The following TARBP1 variants were observed in gnomAD, a reference collection of about 807,000 sequenced individuals.
TARBP1 encodes the protein tRNA guanosine 2 -O-methyltransferase TARBP1.
Under a neutral mutation model 178.6 loss-of-function variants are expected in TARBP1, and 144 were observed. The ratio of observed to expected loss-of-function variants is 0.81; its 90% CI spans 0.70 to 0.93. TARBP1 has a LOEUF of 0.93. Ranked by LOEUF, TARBP1 falls within the 40% of genes least tolerant of loss-of-function variation. TARBP1 has a pLI of 0.00. For synonymous variants in TARBP1, 787 were observed against 781.0 expected, an observed-to-expected ratio of 1.01 and a Z score of -0.13; for missense variants, 2,067 against 2,011.7, an observed-to-expected ratio of 1.03 and a Z score of -0.53.
intron 23 of TARBP1, chr1:234,406,679 T>C (rs2103055303): frequency 6.6e-6 from 1 of 152,480 alleles, no homozygotes; most frequent in South Asian, 2.1e-4. Flanking sequence ...TAAATTTCCT[T>C]GTAGTCTTTT....
chr1:234,462,194 G>C (rs1045949673), intron 6 of TARBP1, among the ~76,000 whole-genome samples: 1 of 152,174 alleles, frequency 6.6e-6, no homozygotes, highest in African/African-American at 2.4e-5. Flanking sequence ...ATTTCACATC[G>C]ATTCAACATA....
At chr1:234,416,010 C>T (rs569762163) in intron 22 of TARBP1, among the ~76,000 whole-genome samples, 6 of 152,270 alleles carry the variant, frequency 3.9e-5, no homozygotes, top group East Asian at 3.9e-4. Context: ...AAATCAGATT[C>T]GAAGAGAATA....
rs535603962 is a variant in TARBP1, at chr1:234,401,440, C to A, written c.3990-178G>T. ...GATCAATACATACTTTAAAAACTGA[C>A]ACTTAATAAATTTCACATTTTGAAA... On this transcript the variant is annotated intron_variant, in intron 24 of 29. Transcript: ENST00000040877. Among the ~76,000 whole-genome samples, 6 of 152,296 alleles carry A rather than the reference C, an allele frequency of 3.9e-5. No individual in the cohort carries two copies. The South Asian group carries it at 1.2e-3, about 32-fold the overall frequency.
chr1:234,418,286 A>G (rs1227861836), intron 21 of TARBP1, 53 bp from the exon 22 acceptor site: 5 of 1,445,032 alleles, frequency 3.5e-6, no homozygotes, highest in Non-Finnish European at 4.6e-6. Context: ...TTTAATTTAA[A>G]AATAGTCTCC....
At chr1:234,418,887 T>TA (rs1292914190) in intron 21 of TARBP1, among the ~76,000 whole-genome samples, 1 of 152,140 alleles carries the variant, frequency 6.6e-6, no homozygotes, top group African/African-American at 2.4e-5. Flanking sequence ...AAGTAATATG[T>TA]ATTGGCCGGG....
At chr1:234,427,495 C>G (rs913720377) in intron 18 of TARBP1, 81 bp downstream of exon 18, 1 of 1,451,050 alleles carries the variant, frequency 6.9e-7, no homozygotes, top group Non-Finnish European at 9.3e-7. Context: ...TAATTGAAAG[C>G]CTCAAAACAA....
Position 234,463,901 on chromosome 1 carries a change from T to C in TARBP1, c.1335A>G (p.Pro445=), listed in dbSNP as rs1322958798. ...SPGQPIGSCS[P]LGLKLQKFLV... ...AAAACTTCTGTAATTTCAGTCCCAA[T>C]GGAGAACAGCTTCCTATTGGCTGGC... Residue 445 remains proline (P), a synonymous_variant, in exon 6 of 30, where the codon CCA becomes CCG. Transcript: ENST00000040877. 3 of 1,594,974 alleles carry C rather than the reference T, an allele frequency of 1.9e-6. No homozygotes were observed. The highest frequency in any genetic ancestry group is 2.6e-6 in the Non-Finnish European group (3 of 1,171,054).
At chr1:234,421,029 T>A (rs977696398) in intron 20 of TARBP1, among the ~76,000 whole-genome samples, 8 of 152,134 alleles carry the variant, frequency 5.3e-5, no homozygotes, top group Non-Finnish European at 7.3e-5. Flanking sequence ...AATAAAAAAA[T>A]TTTTAAATAA....
chr1:234,416,151 G>A (rs1662393263), intron 22 of TARBP1, among the ~76,000 whole-genome samples: 1 of 152,202 alleles, frequency 6.6e-6, no homozygotes, highest in Non-Finnish European at 1.5e-5. Context: ...AGAATTCCTG[G>A]GGCAGTGCTA....
At chr1:234,453,682 TAACAA>T (rs545814678) in intron 9 of TARBP1, among the ~76,000 whole-genome samples, 17 of 152,330 alleles carry the variant, frequency 1.1e-4, no homozygotes, top group Admixed American at 9.2e-4. Flanking sequence ...GAACACTACA[TAACAA>T]AAGTTATAGG....
In TARBP1 at chr1:234,398,556, G is replaced by C; in HGVS notation, c.4072-3C>G. On this transcript the variant is annotated splice_region_variant and splice_polypyrimidine_tract_variant and intron_variant, in intron 25 of 29. Coordinates refer to ENST00000040877, the MANE Select transcript of TARBP1 (RefSeq NM_005646.4). ...CGTGGAAGGATGTAAAATATGGTCTGAAAAGAGAATTATAAAATCTAAATT... is the reference window on the plus strand; with the variant it reads ...CGTGGAAGGATGTAAAATATGGTCTCAAAAGAGAATTATAAAATCTAAATT... 1.9e-6 allele frequency: 3 copies of C among 1,539,362 alleles called. No homozygotes were observed. The highest frequency in any genetic ancestry group is 2.6e-6 in the Non-Finnish European group (3 of 1,136,970).
chr1:234,478,313 C>T lies in TARBP1; in HGVS notation c.791G>A (p.Arg264His), dbSNP rs139504211. Residue 264 changes from arginine to histidine, a missense_variant, in exon 1 of 30, where the codon CGC (arginine) becomes CAC (histidine). Coordinates refer to ENST00000040877, the MANE Select transcript of TARBP1 (RefSeq NM_005646.4). The stretch of plus-strand genomic sequence containing the variant: ...CCCCGCCTGCACCGTCCTCCAGAAG[C>T]GCCAGCAGCGCCGGGCGTCCGGGCC... ...EAGPDARRCW[R>H]FWRTVQAGLG... 8.6e-4 allele frequency: 1,233 copies of T among 1,428,080 alleles called. 6 individuals are homozygous for T. The African/African-American group carries it at 0.017, about 19-fold the overall frequency. 88.5% of individuals were successfully genotyped at this position (1,428,080 alleles called of 1,614,324 possible). A position where few individuals can be genotyped will look rare whatever the true frequency, so the allele number is the denominator to read the frequency against.
chr1:234,447,169 C>T (rs1015023496), intron 11 of TARBP1, among the ~76,000 whole-genome samples, 194 bp from the exon 12 acceptor site: 9 of 152,064 alleles, frequency 5.9e-5, no homozygotes, highest in African/African-American at 1.9e-4. Context: ...TGGCGACTCA[C>T]TAAAGAAGGC....
intron 25 of TARBP1, chr1:234,400,934 C>T (rs1660617815): frequency 6.3e-6 from 2 of 316,082 alleles, no homozygotes; most frequent in Non-Finnish European, 1.2e-5. Context: ...CCATTGTTTA[C>T]AAGCCAGACA....
rs780143628 is a variant in TARBP1, at chr1:234,472,750, AT to A, written c.992del (p.Asn331IlefsTer4). 6.2e-7 allele frequency: 1 copy of A among 1,603,922 alleles called. No homozygotes were observed. Among genetic ancestry groups the A allele is most frequent in the African/African-American group, 1.3e-5 (1 of 74,162 alleles). On this transcript the variant is annotated frameshift_variant, in exon 2 of 30. Coordinates refer to ENST00000040877, the MANE Select transcript of TARBP1 (RefSeq NM_005646.4). LOFTEE classifies it high-confidence loss of function. ...KKDELLKFWENYILIMETLEG... is the reference protein window; with the variant it reads ...KKDELLKFWEXYILIMETLEG... The stretch of plus-strand genomic sequence containing the variant: ...CTAAAGTCTCCATAATTAAAATATA[AT>A]TTTCCCAAAACTTTAGAAGCTCATC...
intron 27 of TARBP1, 62 bp from the exon 28 acceptor site, chr1:234,393,548 G>A (rs930889647): frequency 1.5e-5 from 24 of 1,571,598 alleles, no homozygotes; most frequent in Non-Finnish European, 1.7e-5. Context: ...TCATCATGTC[G>A]CATACATTCC....
chr1:234,436,483 CAA>C (rs1391857115), intron 13 of TARBP1, among the ~76,000 whole-genome samples: 1 of 152,088 alleles, frequency 6.6e-6, no homozygotes, highest in African/African-American at 2.4e-5. Flanking sequence ...TTCCCCACTC[CAA>C]AGAGATTTTC....
rs116085005 is a variant in TARBP1 at position 234,464,929 on chromosome 1, C to T, written c.1301+727G>A. ...ACCTTTTCAAAACTTTAACTGTGGC[C>T]TATAAGTAGAGACAGGATGAATAAC... On this transcript the variant is annotated intron_variant, in intron 5 of 29. Coordinates refer to ENST00000040877, the MANE Select transcript of TARBP1 (RefSeq NM_005646.4). 4.6e-3 allele frequency among the ~76,000 whole-genome samples: 702 copies of T among 152,238 alleles called. 2 individuals carry two copies. The highest frequency in any genetic ancestry group is 0.016 in the African/African-American group (674 of 41,536).
Position 234,457,667 on chromosome 1 carries a change from C to T in TARBP1, c.1722G>A (p.Glu574=), listed in dbSNP as rs1397884053. 4 of 1,598,806 alleles carry T rather than the reference C, an allele frequency of 2.5e-6. No homozygotes were observed. The East Asian group carries it at 6.7e-5, about 27-fold the overall frequency. Residue 574 remains glutamate (E), a splice_region_variant and synonymous_variant, in exon 9 of 30, where the codon GAG becomes GAA. Transcript: ENST00000040877. ...TTTATTAAATTATCTTTAATCTCAC[C>T]TCTGTCCACAATGAAGTTCCTCGTC... is the stretch of plus-strand genomic sequence containing the variant. ...SLGRGTSLWT[E]LCDWLRVNES...
Sources: allele counts gnomAD v4.1 joint callset (sites outside exome capture counted in the v4.1 genomes callset), GRCh38; gene constraint gnomAD v4.1.1; transcripts MANE v1.5; gene names NCBI Gene and HGNC (gene_info 2026-07-23, HGNC 2026-07-21).